DAB1: variants seen among roughly 807,000 people sequenced by gnomAD.
DAB1 encodes the protein disabled homolog 1.
In DAB1, 15 loss-of-function variants were observed where a neutral mutation model predicts 64.6. The observed-to-expected ratio is 0.23, with a 90% CI of 0.16 to 0.36. The LOEUF (loss-of-function observed/expected upper bound fraction) is 0.36. DAB1 is among the 10% of genes least tolerant of loss of function. The pLI is 1.00. For missense variants in DAB1, 596 were observed against 706.7 expected, an observed-to-expected ratio of 0.84 and a Z score of 1.78; for synonymous variants, 235 against 251.9, an observed-to-expected ratio of 0.93 and a Z score of 0.64.
chr1:57,165,361 T>G (rs1165047146), intron 2 of DAB1, among the ~76,000 whole-genome samples: 1 of 152,192 alleles, frequency 6.6e-6, no homozygotes, highest in African/African-American at 2.4e-5. Context: ...ATGATCTTAA[T>G]ACTTCTTAAA....
intron 3 of DAB1, among the ~76,000 whole-genome samples, chr1:58,376,429 C>G (rs1213675): frequency 0.81 from 103,500 of 127,630 alleles, 43,217 homozygotes; most frequent in East Asian, 0.93. Flanking sequence ...CCTTCATTTC[C>G]TTATGTACCC....
At chr1:58,118,492 A>G (rs1228008436) in intron 5 of DAB1, among the ~76,000 whole-genome samples, 1 of 84,302 alleles carries the variant, frequency 1.2e-5, no homozygotes. Context: ...ATATATATAT[A>G]TATATATATA....
intron 7 of DAB1, among the ~76,000 whole-genome samples, chr1:57,497,180 G>A (rs938993891): frequency 5.3e-5 from 8 of 152,180 alleles, no homozygotes; most frequent in African/African-American, 1.9e-4. Context: ...AAGTGCTTCA[G>A]TGCACTACTG....
At chr1:57,775,613 T>C (rs867248675) in intron 6 of DAB1, among the ~76,000 whole-genome samples, 10 of 151,698 alleles carry the variant, frequency 6.6e-5, no homozygotes, top group African/African-American at 2.2e-4. Flanking sequence ...CCTTGTTTTA[T>C]GGCTCTGCAT....
intron 5 of DAB1, among the ~76,000 whole-genome samples, chr1:58,014,820 T>A (rs937194466): frequency 1.3e-5 from 2 of 151,910 alleles, no homozygotes; most frequent in Non-Finnish European, 2.9e-5. Flanking sequence ...GAGGGAGAGA[T>A]GTAACAGAGA....
intron 5 of DAB1, among the ~76,000 whole-genome samples, chr1:58,095,366 G>A (rs1422048256): frequency 6.6e-6 from 1 of 152,112 alleles, no homozygotes; most frequent in Non-Finnish European, 1.5e-5. Flanking sequence ...ACAAGGGATC[G>A]GTATAAGTAC....
At chr1:58,539,172 T>C in intron 1 of DAB1, 1 of 873,000 alleles carries the variant, frequency 1.1e-6, no homozygotes, top group Non-Finnish European at 2.0e-6. Context: ...GGTTAACTTG[T>C]ACTTGATGAC....
At chr1:57,516,704 T>C (rs1483011090) in intron 7 of DAB1, among the ~76,000 whole-genome samples, 1 of 152,164 alleles carries the variant, frequency 6.6e-6, no homozygotes. Context: ...GCAGCTAGCT[T>C]ATAAAGCACC....
intron 1 of DAB1, among the ~76,000 whole-genome samples, chr1:57,838,011 T>C (rs971291415): frequency 4.6e-5 from 7 of 152,032 alleles, no homozygotes; most frequent in Non-Finnish European, 1.0e-4. Flanking sequence ...AGTGGATATT[T>C]ACCTAGTGTT....
chr1:57,368,037 A>G (rs908345295), intron 1 of DAB1, among the ~76,000 whole-genome samples: 2 of 152,172 alleles, frequency 1.3e-5, no homozygotes, highest in Non-Finnish European at 2.9e-5. Flanking sequence ...TCTTCCTGCT[A>G]TTGGCACCTG....
intron 2 of DAB1, among the ~76,000 whole-genome samples, chr1:57,223,781 A>G (rs2100396207): frequency 6.6e-6 from 1 of 152,270 alleles, no homozygotes; most frequent in Admixed American, 6.5e-5. Context: ...CAATATGCCA[A>G]TCATGACCCA....
intron 3 of DAB1, among the ~76,000 whole-genome samples, chr1:58,387,004 GAGCCA>G (rs1418201837): frequency 6.6e-6 from 1 of 152,158 alleles, no homozygotes; most frequent in Non-Finnish European, 1.5e-5. Flanking sequence ...AAGTTGTGGT[GAGCCA>G]AGATCATGCC....
At chr1:57,318,155 C>CAA (rs3042914) in intron 1 of DAB1, among the ~76,000 whole-genome samples, 42,993 of 103,192 alleles carry the variant, frequency 0.42, 9,771 homozygotes, top group East Asian at 0.86. Context: ...AGCTGCAACT[C>CAA]AAAAAAAAAA....
intron 2 of DAB1, among the ~76,000 whole-genome samples, chr1:57,266,536 A>G (rs1426271485): frequency 6.6e-6 from 1 of 152,184 alleles, no homozygotes; most frequent in African/African-American, 2.4e-5. Context: ...TACATTTATC[A>G]TTCCTTTAAT....
chr1:57,541,404 T>A (rs1214472297), intron 7 of DAB1, among the ~76,000 whole-genome samples: 3 of 152,292 alleles, frequency 2.0e-5, no homozygotes, highest in South Asian at 2.1e-4. Context: ...GCTGGGATTA[T>A]AGGCGTGAGC....
At chr1:57,535,705 C>T (rs1330241568) in intron 7 of DAB1, among the ~76,000 whole-genome samples, 2 of 152,088 alleles carry the variant, frequency 1.3e-5, no homozygotes, top group Admixed American at 6.6e-5. Flanking sequence ...CGTGATCCAC[C>T]CGCCTCAGCC....
intron 3 of DAB1, among the ~76,000 whole-genome samples, chr1:58,347,033 A>C (rs1644008047): frequency 6.6e-6 from 1 of 152,202 alleles, no homozygotes; most frequent in South Asian, 2.1e-4. Flanking sequence ...CCAAGCTTAA[A>C]TACATGATAG....
At chr1:58,024,936 T>C (rs771512665) in intron 5 of DAB1, among the ~76,000 whole-genome samples, 8 of 152,190 alleles carry the variant, frequency 5.3e-5, no homozygotes, top group Non-Finnish European at 1.0e-4. Context: ...GTACCCAACC[T>C]GCTGCCTCAG....
At chr1:57,042,369 C>T (rs1647897172) in intron 9 of DAB1, among the ~76,000 whole-genome samples, 1 of 152,182 alleles carries the variant, frequency 6.6e-6, no homozygotes, top group Non-Finnish European at 1.5e-5. Context: ...TAAGACCTTT[C>T]CTCTGTCTGA....
Sources: allele counts gnomAD v4.1 joint callset (sites outside exome capture counted in the v4.1 genomes callset), GRCh38; gene constraint gnomAD v4.1.1; transcripts MANE v1.5; gene names NCBI Gene and HGNC (gene_info 2026-07-23, HGNC 2026-07-21).